Variants in DNM1L observed in about 807,000 individuals in gnomAD.
The protein encoded by DNM1L is dynamin-1-like protein.
A neutral mutation model predicts 92.8 loss-of-function variants in DNM1L; 33 were observed. The observed-to-expected ratio is 0.36, with a 90% CI of 0.27 to 0.48. The LOEUF (loss-of-function observed/expected upper bound fraction) is 0.48. Among genes scored for constraint, DNM1L ranks in the 20% least tolerant of loss-of-function variants. The probability of loss-of-function intolerance (pLI) is 0.99; values close to 1 mark genes in which losing one functional copy is unlikely to be tolerated. For synonymous variants in DNM1L, 284 were observed against 305.0 expected (o/e 0.93, Z 0.72); for missense variants, 485 against 888.8 (o/e 0.55, Z 5.78).
chr12:32,732,432 A>G (rs1954613726), intron 12 of DNM1L: 1 of 445,302 alleles, frequency 2.2e-6, no homozygotes. Flanking sequence ...CACAAATAAA[A>G]ATGCTGAAAT....
chr12:32,737,487 A>G, intron 14 of DNM1L: 1 of 384,110 alleles, frequency 2.6e-6, no homozygotes, highest in Non-Finnish European at 4.7e-6. Flanking sequence ...TTATAATAAG[A>G]GGGTTTCTTG....
At chr12:32,736,928 G>GCT (rs1954923415) in intron 13 of DNM1L, 177 bp from the exon 14 acceptor site, 1 of 641,608 alleles carries the variant, frequency 1.6e-6, no homozygotes. Context: ...AGATTAAGAA[G>GCT]CTTTGGGTTA....
intron 1 of DNM1L, among the ~76,000 whole-genome samples, chr12:32,685,125 G>T (rs2137214679): frequency 6.6e-6 from 1 of 151,856 alleles, no homozygotes; most frequent in African/African-American, 2.4e-5. Flanking sequence ...TTTTAGTAGA[G>T]ACAGGGTTTC....
At chr12:32,718,150 A>G (rs973848581) in intron 6 of DNM1L, among the ~76,000 whole-genome samples, 2 of 140,270 alleles carry the variant, frequency 1.4e-5, no homozygotes, top group Non-Finnish European at 3.0e-5. Flanking sequence ...TATAGTATAT[A>G]TATATATTTT....
At chr12:32,741,711 G>C (rs182707859) in intron 18 of DNM1L, among the ~76,000 whole-genome samples, 9 of 152,236 alleles carry the variant, frequency 5.9e-5, no homozygotes, top group African/African-American at 1.9e-4. Context: ...CCATGTTTTT[G>C]CTGTACATTT....
At position 32,731,007 on chromosome 12, in the gene DNM1L, C is replaced by T. The variant is rs2137520816; in HGVS notation, c.1080-7C>T. On this transcript the variant is annotated splice_region_variant and splice_polypyrimidine_tract_variant and intron_variant, in intron 9 of 19. Coordinates refer to ENST00000549701, the MANE Select transcript of DNM1L (RefSeq NM_012062.5). The surrounding 1 kb of genome is among the most constrained non-coding windows in gnomAD (Gnocchi z 5.1). ...TGCCAGAAACCATATACTTCATTGCCTTTCAGATGCGGTGGTGCTAGAATT... is the reference window on the plus strand; with the variant it reads ...TGCCAGAAACCATATACTTCATTGCTTTTCAGATGCGGTGGTGCTAGAATT... 1.9e-6 allele frequency: 3 copies of T among 1,613,702 alleles called. No homozygotes were observed. The highest frequency in any genetic ancestry group is 2.5e-6 in the Non-Finnish European group (3 of 1,179,852).
chr12:32,683,352 G>GT, intron 1 of DNM1L, among the ~76,000 whole-genome samples: 1 of 151,648 alleles, frequency 6.6e-6, no homozygotes, highest in East Asian at 2.0e-4. Flanking sequence ...AGCCTCCTGA[G>GT]TAGCTGGGAC....
intron 9 of DNM1L, among the ~76,000 whole-genome samples, chr12:32,730,713 A>G (rs1196148466): frequency 1.3e-5 from 2 of 152,232 alleles, no homozygotes; most frequent in African/African-American, 4.8e-5. Flanking sequence ...TCCTGTCCTC[A>G]AGGAAAACTA....
Position 32,718,607 on chromosome 12 carries a change from CTTTTCTTTGCCCTT to C in DNM1L, c.620-27_620-14del, listed in dbSNP as rs1439573271. ...TTGTATTTAATGGATCATTTTCTTTCTTTTCTTTGCCCTTTTTTCTTTTTGCATTTACCAGGTCG... is the reference window on the plus strand; with the variant it reads ...TTGTATTTAATGGATCATTTTCTTTCTTTTCTTTTTGCATTTACCAGGTCG... On this transcript the variant is annotated intron_variant, in intron 6 of 19. Transcript: ENST00000549701. 1.9e-6 allele frequency: 3 copies of C among 1,612,402 alleles called. No homozygotes were observed. In the African/African-American group the frequency reaches 4.0e-5, roughly 22 times the overall value.
In DNM1L at chr12:32,735,647, G is replaced by A. The variant is rs1356784459; in HGVS notation, c.1540-1458G>A. Among the ~76,000 whole-genome samples, 9 of 152,070 alleles carry A rather than the reference G, an allele frequency of 5.9e-5. No homozygotes were observed. In the South Asian group the frequency reaches 1.5e-3, roughly 25 times the overall value. ...TGTAATCCCAGCACTTTGGTAGGCC[G>A]AGGCAGGCTGATCACCTGAGGTCAG... On this transcript the variant is annotated intron_variant, in intron 13 of 19. Coordinates refer to ENST00000549701, the MANE Select transcript of DNM1L (RefSeq NM_012062.5).
intron 1 of DNM1L, 39 bp downstream of exon 1, chr12:32,679,504 GGCCGC>G: frequency 2.5e-6 from 4 of 1,573,666 alleles, no homozygotes; most frequent in Non-Finnish European, 3.5e-6. Flanking sequence ...GCCAGACCCC[GGCCGC>G]AGGCCTGGTC....
Position 32,731,229 on chromosome 12 carries a change from T to A in DNM1L, c.1200+95T>A. 2 of 1,591,244 alleles carry A rather than the reference T, an allele frequency of 1.3e-6. No individual in the cohort carries two copies. The highest frequency in any genetic ancestry group is 1.7e-6 in the Non-Finnish European group (2 of 1,166,226). On this transcript the variant is annotated intron_variant, in intron 10 of 19. Transcript: ENST00000549701. This position sits in a 1 kb window ranked among gnomAD's most constrained non-coding sequence, Gnocchi z 5.1. Reference sequence around the variant, plus strand: ...TCTTTTTAAATTTAATTATACAGTTTATTTTGCTCTCATATTTGAAATTAA... The same window carrying A: ...TCTTTTTAAATTTAATTATACAGTTAATTTTGCTCTCATATTTGAAATTAA...
intron 1 of DNM1L, among the ~76,000 whole-genome samples, chr12:32,694,169 C>T (rs530766939): frequency 2.0e-5 from 3 of 152,296 alleles, no homozygotes; most frequent in South Asian, 4.1e-4. Flanking sequence ...CTACAACCTC[C>T]GCCTCCTGGG....
chr12:32,723,467 C>T lies in DNM1L; in HGVS notation c.1079+834C>T, dbSNP rs548420073. Among the ~76,000 whole-genome samples the T allele has an allele frequency of 6.6e-5, 10 of 152,096 alleles. 1 individual carries two copies. The highest frequency in any genetic ancestry group is 1.9e-4 in the African/African-American group (8 of 41,508). ...ATCCCAGCACTTTGGGAGGCTGAGG[C>T]GGGTGAATCACCTGACATCAGTTCA... On this transcript the variant is annotated intron_variant, in intron 9 of 19. Transcript: ENST00000549701.
intron 1 of DNM1L, chr12:32,692,977 T>G (rs1952290881): frequency 1.3e-5 from 2 of 152,246 alleles, no homozygotes; most frequent in South Asian, 4.1e-4. Context: ...TTCCCCAGTG[T>G]TTGCTATAGC....
At position 32,740,486 on chromosome 12, in the gene DNM1L, T is replaced by C. The variant is rs1955213656; in HGVS notation, c.1962T>C (p.Tyr654=). Residue 654 remains tyrosine, a synonymous_variant, in exon 18 of 20, where the codon TAT becomes TAC. Coordinates refer to ENST00000549701, the MANE Select transcript of DNM1L (RefSeq NM_012062.5). ...TTATTGAACGACTCATTAAATCATA[T>C]TTTCTCATTGTCAGAAAGAATATTC... ...CEVIERLIKS[Y]FLIVRKNIQD... The C allele has an allele frequency of 1.9e-6, 3 of 1,613,792 alleles. No homozygotes were observed. Among genetic ancestry groups the C allele is most frequent in the South Asian group, 2.2e-5 (2 of 91,014 alleles).
At chr12:32,738,093 T>A in intron 15 of DNM1L, 151 bp downstream of exon 15, 1 of 1,060,776 alleles carries the variant, frequency 9.4e-7, no homozygotes, top group Non-Finnish European at 1.4e-6. Context: ...TAAAATTATA[T>A]AACAATGCAA....
Position 32,713,338 on chromosome 12 carries a change from G to C in DNM1L, c.586G>C (p.Ala196Pro). ...TAATACAGATATGGCAACATCAGAG[G>C]CACTTAAAATTTCAAGAGAGGTAGA... Reference protein sequence around the residue: ...AANTDMATSEALKISREVDPD... With the variant: ...AANTDMATSEPLKISREVDPD... The change falls in exon 6 of 20, where the codon GCA (alanine) becomes CCA (proline). Residue 196 changes from alanine to proline, a missense_variant. Physicochemically the swap from Ala to Pro is conservative, Grantham distance 27 (BLOSUM62 -1). Transcript: ENST00000549701. 1 of 1,613,798 alleles carries C rather than the reference G, an allele frequency of 6.2e-7. No individual in the cohort carries two copies. Among genetic ancestry groups the C allele is most frequent in the Non-Finnish European group, 8.5e-7 (1 of 1,179,912 alleles).
chr12:32,711,204 T>C, intron 5 of DNM1L, 189 bp downstream of exon 5: 2 of 570,966 alleles, frequency 3.5e-6, no homozygotes, highest in South Asian at 2.0e-5. Flanking sequence ...CAGGTTTATC[T>C]CCAGTCTCAC....
Sources: gnomAD v4.1 joint callset for allele counts (sites outside exome capture counted in the v4.1 genomes callset) on GRCh38, gnomAD v4.1.1 for gene constraint, Gnocchi (gnomAD v3.1) non-coding constraint, MANE v1.5 for transcripts, NCBI Gene and HGNC (gene_info 2026-07-23, HGNC 2026-07-21) for gene names.